The following BTRC variants were observed in gnomAD, a reference collection of about 807,000 sequenced individuals.
The protein encoded by BTRC is F-box/WD repeat-containing protein 1A.
In BTRC, 42 loss-of-function variants were observed where a neutral mutation model predicts 85.5. The ratio of observed to expected loss-of-function variants is 0.49; its 90% CI spans 0.38 to 0.64. The LOEUF (loss-of-function observed/expected upper bound fraction) is 0.64, where lower values mean the gene tolerates loss of function less well. Among genes scored for constraint, BTRC ranks in the 30% least tolerant of loss-of-function variants. The pLI is 0.00. For synonymous variants in BTRC, 255 were observed against 263.3 expected, an observed-to-expected ratio of 0.97 and a Z score of 0.30; for missense variants, 594 against 743.5, an observed-to-expected ratio of 0.80 and a Z score of 2.34.
intron 1 of BTRC, among the ~76,000 whole-genome samples, chr10:101,398,103 G>T (rs1202246409): frequency 6.6e-6 from 1 of 152,026 alleles, no homozygotes; most frequent in Non-Finnish European, 1.5e-5. Flanking sequence ...TGGCATCTCT[G>T]TATTAGAGTA....
chr10:101,417,142 A>C (rs571868910), intron 1 of BTRC, among the ~76,000 whole-genome samples: 5 of 152,326 alleles, frequency 3.3e-5, no homozygotes, highest in African/African-American at 1.2e-4. Context: ...AATTAAGGAA[A>C]TTATTATTGG....
intron 4 of BTRC, among the ~76,000 whole-genome samples, chr10:101,509,411 C>T (rs1447721915): frequency 2.7e-5 from 4 of 149,018 alleles, no homozygotes; most frequent in African/African-American, 7.4e-5. Flanking sequence ...CCCGCCACTA[C>T]GCCCGGCTAA....
chr10:101,427,202 C>A lies in BTRC; in HGVS notation c.49-3143C>A, dbSNP rs550852585. Among the ~76,000 whole-genome samples the A allele has an allele frequency of 2.3e-4, 34 of 147,174 alleles. 1 individual carries two copies. In the South Asian group the frequency reaches 5.6e-3, roughly 24 times the overall value. Reference sequence around the variant, plus strand: ...GCACAATCTCAGCTCACTGCAACCTCCGCCTTCCGGGTTCAAGCGATTCTC... The same window carrying A: ...GCACAATCTCAGCTCACTGCAACCTACGCCTTCCGGGTTCAAGCGATTCTC... On this transcript the variant is annotated intron_variant, in intron 1 of 14. Transcript: ENST00000370187.
At chr10:101,452,240 A>C (rs1329927721) in intron 2 of BTRC, among the ~76,000 whole-genome samples, 1 of 152,240 alleles carries the variant, frequency 6.6e-6, no homozygotes. Flanking sequence ...GCATAAATGC[A>C]CAAGGCCCAG....
In BTRC at chr10:101,550,767, C is replaced by T; in HGVS notation, c.1725C>T (p.Asp575=). 3 of 1,613,966 alleles carry T rather than the reference C, an allele frequency of 1.9e-6. No individual in the cohort carries two copies. Among genetic ancestry groups the T allele is most frequent in the Non-Finnish European group, 2.5e-6 (3 of 1,179,906 alleles). Residue 575 remains aspartate, a synonymous_variant, in exon 14 of 15, where the codon GAC becomes GAT. Coordinates refer to ENST00000370187, the MANE Select transcript of BTRC (RefSeq NM_033637.4). ...EFQIVSSSHD[D]TILIWDFLND... ...AGATTGTCAGTAGTTCACATGATGA[C>T]ACAATCCTCATCTGGGACTTCCTAA...
intron 1 of BTRC, among the ~76,000 whole-genome samples, chr10:101,367,477 A>G (rs1942502341): frequency 2.0e-5 from 3 of 152,276 alleles, no homozygotes; most frequent in African/African-American, 7.2e-5. Context: ...TATTTTTAAT[A>G]TGTACAAATA....
chr10:101,458,938 A>G (rs1314307323), intron 2 of BTRC, among the ~76,000 whole-genome samples: 1 of 152,170 alleles, frequency 6.6e-6, no homozygotes, highest in East Asian at 1.9e-4. Flanking sequence ...TTAACTTGTC[A>G]AACTTTCACT....
chr10:101,550,129 C>T (rs567378566), intron 13 of BTRC, among the ~76,000 whole-genome samples: 57 of 152,222 alleles, frequency 3.7e-4, no homozygotes, highest in African/African-American at 4.6e-4. Flanking sequence ...ATCCACCCTA[C>T]GCCAAAAAGG....
intron 1 of BTRC, among the ~76,000 whole-genome samples, chr10:101,372,055 T>C (rs74524780): frequency 0.023 from 3,439 of 152,198 alleles, 56 homozygotes; most frequent in South Asian, 0.06. Flanking sequence ...GTCATATTAA[T>C]GTCTATATAT....
rs372502893 is a variant in BTRC, at chr10:101,422,205, A to G, written c.49-8140A>G. ...GTATCTCATTGTGGTTTTGATTTGC[A>G]TTTCTCTGATGGCCAGTGATGATGA... On this transcript the variant is annotated intron_variant, in intron 1 of 14. Coordinates refer to ENST00000370187, the MANE Select transcript of BTRC (RefSeq NM_033637.4). Among the ~76,000 whole-genome samples the G allele has an allele frequency of 5.7e-3, 866 of 152,182 alleles. 8 individuals carry two copies. The highest frequency in any genetic ancestry group is 0.026 in the South Asian group (123 of 4,810).
At chr10:101,513,070 TC>T (rs1359529025) in intron 4 of BTRC, among the ~76,000 whole-genome samples, 3 of 152,216 alleles carry the variant, frequency 2.0e-5, no homozygotes, top group Non-Finnish European at 4.4e-5. Context: ...TTGAACTTTT[TC>T]ATTGTGTCCT....
chr10:101,551,484 C>G (rs530950535), intron 14 of BTRC, among the ~76,000 whole-genome samples: 1 of 152,226 alleles, frequency 6.6e-6, no homozygotes, highest in Non-Finnish European at 1.5e-5. Context: ...CAACCTCTCT[C>G]TCAGGCAGGG....
intron 2 of BTRC, among the ~76,000 whole-genome samples, chr10:101,450,042 T>G (rs991004010): frequency 9.9e-5 from 15 of 152,070 alleles, no homozygotes; most frequent in Non-Finnish European, 1.5e-4. Context: ...AAGTGTTTTT[T>G]TTTGTTTGTT....
Position 101,492,150 on chromosome 10 carries a change from TTA to T in BTRC, c.324+12695_324+12696del, listed in dbSNP as rs141498287. ...TATTTCTAGAAGAATGAACATAAAT[TTA>T]TGTTTTATACCTCAAACATCACTTC... is the stretch of plus-strand genomic sequence containing the variant. On this transcript the variant is annotated intron_variant, in intron 4 of 14. Coordinates refer to ENST00000370187, the MANE Select transcript of BTRC (RefSeq NM_033637.4). Among the ~76,000 whole-genome samples the T allele has an allele frequency of 2.0e-5, 3 of 152,278 alleles. No homozygotes were observed. The East Asian group carries it at 5.8e-4, about 29-fold the overall frequency.
chr10:101,421,287 C>T (rs904428019), intron 1 of BTRC, among the ~76,000 whole-genome samples: 1 of 152,050 alleles, frequency 6.6e-6, no homozygotes, highest in African/African-American at 2.4e-5. Flanking sequence ...CATTCCTGTG[C>T]CCCTAAACCA....
intron 1 of BTRC, among the ~76,000 whole-genome samples, chr10:101,394,544 G>A (rs1014623829): frequency 6.6e-6 from 1 of 152,110 alleles, no homozygotes; most frequent in Non-Finnish European, 1.5e-5. Context: ...TCCTTCTTCC[G>A]CTTCCCTACT....
intron 1 of BTRC, among the ~76,000 whole-genome samples, chr10:101,369,629 G>A (rs2134532843): frequency 6.6e-6 from 1 of 152,262 alleles, no homozygotes; most frequent in African/African-American, 2.4e-5. Context: ...TGTTAAGCGT[G>A]CTCATTGCTA....
At chr10:101,359,074 C>T (rs1467015586) in intron 1 of BTRC, among the ~76,000 whole-genome samples, 1 of 152,138 alleles carries the variant, frequency 6.6e-6, no homozygotes, top group Non-Finnish European at 1.5e-5. Flanking sequence ...AAGGCACTAA[C>T]ATGATCTCCT....
chr10:101,372,736 A>G (rs886914160), intron 1 of BTRC, among the ~76,000 whole-genome samples: 4 of 151,638 alleles, frequency 2.6e-5, no homozygotes, highest in African/African-American at 4.8e-5. Flanking sequence ...ATGGTGGGGC[A>G]TGCCTGTAAT....
Sources: allele counts gnomAD v4.1 joint callset (sites outside exome capture counted in the v4.1 genomes callset), GRCh38; gene constraint gnomAD v4.1.1; transcripts MANE v1.5; gene names NCBI Gene and HGNC (gene_info 2026-07-23, HGNC 2026-07-21).